PPP1R21: variants seen among roughly 807,000 people sequenced by gnomAD.
The protein encoded by PPP1R21 is protein phosphatase 1 regulatory subunit 21, also known as KLRAQ motif containing 1.
Under a neutral mutation model 112.8 loss-of-function variants are expected in PPP1R21, and 85 were observed. The observed-to-expected ratio is 0.75, with a 90% CI of 0.63 to 0.90. The LOEUF is 0.90. Ranked by LOEUF, PPP1R21 falls within the 40% of genes least tolerant of loss-of-function variation. The pLI is 0.00. For missense variants in PPP1R21, 1,199 were observed against 901.5 expected (o/e 1.33, Z -4.23); for synonymous variants, 381 against 322.3 (o/e 1.18, Z -1.95).
At chr2:48,507,882 C>T (rs1670460011) in intron 19 of PPP1R21, among the ~76,000 whole-genome samples, 2 of 150,500 alleles carry the variant, frequency 1.3e-5, no homozygotes, top group South Asian at 4.2e-4. Context: ...TCTCCCGCCC[C>T]AGCCTCCTGA....
chr2:48,502,891 A>G (rs1474222306), intron 17 of PPP1R21, among the ~76,000 whole-genome samples: 2 of 152,058 alleles, frequency 1.3e-5, no homozygotes, highest in Admixed American at 6.6e-5. Flanking sequence ...TTTGTTAGCC[A>G]GGATGGCCTC....
At chr2:48,457,048 T>C (rs1342793730) in intron 3 of PPP1R21, among the ~76,000 whole-genome samples, 3 of 145,194 alleles carry the variant, frequency 2.1e-5, no homozygotes, top group African/African-American at 7.6e-5. Context: ...TGAGACTCCC[T>C]CTCAAAAAAA....
intron 13 of PPP1R21, among the ~76,000 whole-genome samples, chr2:48,483,731 C>T (rs1030881261): frequency 6.6e-6 from 1 of 151,982 alleles, no homozygotes; most frequent in Non-Finnish European, 1.5e-5. Context: ...TGAGGTACCG[C>T]GCCTGGCCAA....
At chr2:48,469,297 ATG>A (rs1328437719) in intron 9 of PPP1R21, among the ~76,000 whole-genome samples, 1,080 of 8,980 alleles carry the variant, frequency 0.12, 112 homozygotes, top group Middle Eastern at 0.19. Flanking sequence ...GTGTGTGTGT[ATG>A]TATATATATA....
At chr2:48,488,885 G>A (rs1669430890) in intron 14 of PPP1R21, among the ~76,000 whole-genome samples, 2 of 152,138 alleles carry the variant, frequency 1.3e-5, no homozygotes, top group Admixed American at 6.5e-5. Flanking sequence ...TTTGGAAAAT[G>A]TAGAAATATT....
chr2:48,495,655 A>T (rs1269000470), intron 15 of PPP1R21, 24 bp from the exon 16 acceptor site: 1 of 1,417,830 alleles, frequency 7.1e-7, no homozygotes, highest in South Asian at 1.2e-5. Context: ...TTTTTCTTTA[A>T]TTCTTATGAT....
chr2:48,458,574 C>T (rs1434506960), intron 4 of PPP1R21, among the ~76,000 whole-genome samples: 4 of 148,176 alleles, frequency 2.7e-5, no homozygotes, highest in Non-Finnish European at 6.0e-5. Flanking sequence ...TTTCCCTCCC[C>T]CTCCCTTTTT....
chr2:48,459,780 G>A lies in PPP1R21; in HGVS notation c.402G>A (p.Lys134=), dbSNP rs1667894201. 8.7e-6 allele frequency: 14 copies of A among 1,613,884 alleles called. No individual in the cohort carries two copies. Among genetic ancestry groups the A allele is most frequent in the Non-Finnish European group, 1.1e-5 (13 of 1,180,020 alleles). The change falls in exon 5 of 22, where the codon AAG becomes AAA. Residue 134 remains lysine (K), a synonymous_variant. Transcript: ENST00000294952. The stretch of plus-strand genomic sequence containing the variant: ...TTTTTGAAGCTGATGAGCAGCACAA[G>A]CATGTGGAAGCAGAGCTGAGGAGTC... The part of the protein sequence containing the change: ...IQFFEADEQH[K]HVEAELRSRL...
At chr2:48,466,492 G>T (rs1445813907) in intron 9 of PPP1R21, among the ~76,000 whole-genome samples, 1 of 152,012 alleles carries the variant, frequency 6.6e-6, no homozygotes, top group Non-Finnish European at 1.5e-5. Flanking sequence ...CTCCCAAAGT[G>T]CTGGGATTAC....
At chr2:48,484,651 G>A (rs1431054991) in intron 13 of PPP1R21, among the ~76,000 whole-genome samples, 1 of 151,814 alleles carries the variant, frequency 6.6e-6, no homozygotes, top group Non-Finnish European at 1.5e-5. Flanking sequence ...TGAGTAGCTG[G>A]GATTACAGGC....
At chr2:48,466,532 G>A (rs915630416) in intron 9 of PPP1R21, among the ~76,000 whole-genome samples, 2 of 151,972 alleles carry the variant, frequency 1.3e-5, no homozygotes, top group Non-Finnish European at 2.9e-5. Context: ...TGGCCCTTGG[G>A]GAGTTTTTAA....
At chr2:48,465,988 G>T (rs763155856) in intron 9 of PPP1R21, among the ~76,000 whole-genome samples, 5 of 152,142 alleles carry the variant, frequency 3.3e-5, no homozygotes, top group African/African-American at 9.7e-5. Flanking sequence ...CATGTGTTTC[G>T]TGGATGGTGG....
chr2:48,488,265 A>G (rs746016071), intron 14 of PPP1R21, among the ~76,000 whole-genome samples: 1 of 151,936 alleles, frequency 6.6e-6, no homozygotes, highest in Non-Finnish European at 1.5e-5. Context: ...TCCTTCATCC[A>G]CGGCATGCCA....
chr2:48,465,070 C>G (rs1232797428), intron 8 of PPP1R21, 81 bp downstream of exon 8: 6 of 1,148,480 alleles, frequency 5.2e-6, no homozygotes, highest in Middle Eastern at 2.0e-4. Flanking sequence ...TGTGTTTGGA[C>G]CTCTGTTTAG....
At chr2:48,487,369 A>G (rs1035930664) in intron 14 of PPP1R21, among the ~76,000 whole-genome samples, 2 of 152,304 alleles carry the variant, frequency 1.3e-5, no homozygotes, top group East Asian at 1.9e-4. Context: ...TGACTTCAAC[A>G]TGTGTCTTTT....
Position 48,486,773 on chromosome 2 carries a change from G to C in PPP1R21, c.1446+15G>C, listed in dbSNP as rs1436042308. The C allele has an allele frequency of 3.7e-6, 6 of 1,607,402 alleles. No homozygotes were observed. The highest frequency in any genetic ancestry group is 5.1e-6 in the Non-Finnish European group (6 of 1,177,326). Reference sequence around the variant, plus strand: ...GAGCAGGAAAGGTAATTCTCTTCTGGCGTATATTGATGTTAAAACTCTTAA... The same window carrying C: ...GAGCAGGAAAGGTAATTCTCTTCTGCCGTATATTGATGTTAAAACTCTTAA... On this transcript the variant is annotated intron_variant, in intron 14 of 21. Transcript: ENST00000294952.
chr2:48,470,184 T>G (rs998661150), intron 9 of PPP1R21, among the ~76,000 whole-genome samples: 1 of 152,202 alleles, frequency 6.6e-6, no homozygotes, highest in African/African-American at 2.4e-5. Context: ...TCATACTGAA[T>G]TAGTCCCTTG....
intron 11 of PPP1R21, among the ~76,000 whole-genome samples, chr2:48,473,492 T>C (rs896837557): frequency 6.6e-6 from 1 of 152,246 alleles, no homozygotes; most frequent in Non-Finnish European, 1.5e-5. Context: ...TTTCTTAAGC[T>C]AAGATTTCTA....
intron 9 of PPP1R21, among the ~76,000 whole-genome samples, chr2:48,467,637 A>G (rs542914921): frequency 2.3e-4 from 35 of 152,352 alleles, no homozygotes; most frequent in African/African-American, 8.2e-4. Flanking sequence ...AATGGCAGCT[A>G]ACATTTCTCA....
Sources: gnomAD v4.1 joint callset for allele counts (sites outside exome capture counted in the v4.1 genomes callset) on GRCh38, gnomAD v4.1.1 for gene constraint, MANE v1.5 for transcripts, NCBI Gene and HGNC (gene_info 2026-07-23, HGNC 2026-07-21) for gene names.